Variants in PRKN observed in about 807,000 individuals in gnomAD.
PRKN encodes parkin RBR E3 ubiquitin protein ligase, also known as E3 ubiquitin-protein ligase parkin.
Under a neutral mutation model 59.5 loss-of-function variants are expected in PRKN, and 56 were observed. That is an observed-to-expected ratio of 0.94 (90% confidence interval 0.76 to 1.18). The LOEUF (loss-of-function observed/expected upper bound fraction) is 1.18. Ranked by LOEUF, PRKN falls within the 50% of genes most tolerant of loss-of-function variation. The pLI is 0.00. For synonymous variants in PRKN, 250 were observed against 222.1 expected, an observed-to-expected ratio of 1.13 and a Z score of -1.12; for missense variants, 657 against 596.4, an observed-to-expected ratio of 1.10 and a Z score of -1.06.
At chr6:161,626,679 T>C (rs1024172902) in intron 7 of PRKN, among the ~76,000 whole-genome samples, 1 of 152,172 alleles carries the variant, frequency 6.6e-6, no homozygotes, top group African/African-American at 2.4e-5. Flanking sequence ...AAATGATGGA[T>C]GAACAAATGC....
chr6:161,516,186 G>T (rs371047490), intron 9 of PRKN, among the ~76,000 whole-genome samples: 22 of 152,148 alleles, frequency 1.4e-4, no homozygotes, highest in Middle Eastern at 3.4e-3. Context: ...AGTGGCTCAC[G>T]CCTGTAATCC....
At chr6:162,532,280 G>A (rs1778545569) in intron 1 of PRKN, among the ~76,000 whole-genome samples, 1 of 129,058 alleles carries the variant, frequency 7.7e-6, no homozygotes. Flanking sequence ...GTGAAAATAT[G>A]CACTTATGAT....
At chr6:162,057,730 G>A (rs1352533608) in intron 4 of PRKN, among the ~76,000 whole-genome samples, 6 of 152,166 alleles carry the variant, frequency 3.9e-5, no homozygotes, top group Admixed American at 6.5e-5. Flanking sequence ...CACTGTGTAC[G>A]ACGATTAGGC....
At chr6:161,509,545 A>C (rs777753310) in intron 9 of PRKN, among the ~76,000 whole-genome samples, 51 of 152,060 alleles carry the variant, frequency 3.4e-4, no homozygotes, top group Admixed American at 5.9e-4. Context: ...TTCACATGAG[A>C]ATGCCCATCT....
intron 1 of PRKN, among the ~76,000 whole-genome samples, chr6:162,512,266 G>C (rs1044517818): frequency 6.6e-6 from 1 of 152,144 alleles, no homozygotes; most frequent in African/African-American, 2.4e-5. Flanking sequence ...TATGGTCATG[G>C]GAGGGGTGGA....
At position 162,115,515 on chromosome 6, in the gene PRKN, A is replaced by AAAAT. The variant is rs1230504217; in HGVS notation, c.535-61345_535-61342dup. ...TATAATAATAATAAATAAATACATT[A>AAAAT]AAATAAATAAATAAATAAAAATTTG... On this transcript the variant is annotated intron_variant, in intron 4 of 11. Transcript: ENST00000366898. 2.0e-5 allele frequency among the ~76,000 whole-genome samples: 3 copies of AAAAT among 151,184 alleles called. No individual in the cohort carries two copies. The South Asian group carries it at 6.2e-4, about 31-fold the overall frequency.
chr6:161,753,912 G>C (rs1358317471), intron 7 of PRKN, among the ~76,000 whole-genome samples: 2 of 152,184 alleles, frequency 1.3e-5, no homozygotes, highest in African/African-American at 4.8e-5. Context: ...GCAGAGGAGA[G>C]GTTAGGAAAG....
intron 4 of PRKN, among the ~76,000 whole-genome samples, chr6:162,136,021 C>T (rs58004608): frequency 0.15 from 22,052 of 151,426 alleles, 1,890 homozygotes; most frequent in African/African-American, 0.23. Flanking sequence ...GCCCTGAGTC[C>T]CCCAGAATAC....
At chr6:161,437,521 C>T (rs1446525013) in intron 9 of PRKN, among the ~76,000 whole-genome samples, 2 of 152,150 alleles carry the variant, frequency 1.3e-5, no homozygotes, top group African/African-American at 4.8e-5. Context: ...CTCCTGTATG[C>T]GCTTTGGCAG....
At chr6:162,019,881 T>C (rs1783068301) in intron 5 of PRKN, among the ~76,000 whole-genome samples, 1 of 151,968 alleles carries the variant, frequency 6.6e-6, no homozygotes, top group African/African-American at 2.4e-5. Flanking sequence ...TAGCCTGGTG[T>C]GGTGGCGGGC....
chr6:162,218,034 A>G (rs1777767787), intron 3 of PRKN, among the ~76,000 whole-genome samples: 1 of 152,144 alleles, frequency 6.6e-6, no homozygotes, highest in Non-Finnish European at 1.5e-5. Flanking sequence ...CCAGCACAGA[A>G]CTGCACGCCG....
chr6:161,782,690 T>TA (rs148594285), intron 7 of PRKN, among the ~76,000 whole-genome samples: 24,102 of 151,940 alleles, frequency 0.16, 2,375 homozygotes, highest in Middle Eastern at 0.23. Flanking sequence ...GGTCAGGAGT[T>TA]AGAGACCAGC....
chr6:162,072,307 C>A (rs369358539), intron 4 of PRKN, among the ~76,000 whole-genome samples: 1 of 151,952 alleles, frequency 6.6e-6, no homozygotes, highest in East Asian at 1.9e-4. Context: ...ATTAAACAGG[C>A]AATTAATACT....
rs1780403472 is a variant in PRKN, at chr6:161,560,161, C to CT, written c.933+9193dup. On this transcript the variant is annotated intron_variant, in intron 8 of 11. Coordinates refer to ENST00000366898, the MANE Select transcript of PRKN (RefSeq NM_004562.3). This position sits in a 1 kb window ranked among gnomAD's most constrained non-coding sequence, Gnocchi z 4.9. Reference sequence around the variant, plus strand: ...TTCCATGCTTCCCTCTCTCCTAAGCCTTTTTTCTGTGTCCCCTGAAATTCC... The same window carrying CT: ...TTCCATGCTTCCCTCTCTCCTAAGCCTTTTTTTCTGTGTCCCCTGAAATTCC... Among the ~76,000 whole-genome samples the CT allele has an allele frequency of 6.6e-6, 1 of 152,150 alleles. No individual in the cohort carries two copies. The highest frequency in any genetic ancestry group is 2.1e-4 in the South Asian group (1 of 4,828).
chr6:162,046,933 T>C (rs74843937), intron 5 of PRKN, among the ~76,000 whole-genome samples: 11,792 of 152,050 alleles, frequency 0.078, 669 homozygotes, highest in South Asian at 0.18. Context: ...TTTTTTGTTA[T>C]CAAGTATTCA....
intron 9 of PRKN, among the ~76,000 whole-genome samples, chr6:161,514,592 C>T (rs1023222953): frequency 6.6e-6 from 1 of 152,004 alleles, no homozygotes; most frequent in Non-Finnish European, 1.5e-5. Flanking sequence ...CTGTGACTCA[C>T]GCTGGCTTAG....
intron 6 of PRKN, among the ~76,000 whole-genome samples, chr6:161,789,146 G>A (rs1790541304): frequency 6.6e-6 from 1 of 152,104 alleles, no homozygotes; most frequent in Non-Finnish European, 1.5e-5. Context: ...GTTAGGTGAG[G>A]AATAAACATG....
chr6:162,163,684 C>G (rs1354677906), intron 4 of PRKN, among the ~76,000 whole-genome samples: 1 of 149,164 alleles, frequency 6.7e-6, no homozygotes, highest in Non-Finnish European at 1.5e-5. Context: ...TGAGCAGTCC[C>G]ATAAAGCAGT....
At chr6:162,638,944 C>T (rs896220159) in intron 1 of PRKN, among the ~76,000 whole-genome samples, 20 of 151,976 alleles carry the variant, frequency 1.3e-4, no homozygotes, top group African/African-American at 4.8e-4. Flanking sequence ...CGGGGTTTCA[C>T]TATGTTAGCC....
Sources: gnomAD v4.1 joint callset for allele counts (sites outside exome capture counted in the v4.1 genomes callset) on GRCh38, gnomAD v4.1.1 for gene constraint, Gnocchi (gnomAD v3.1) non-coding constraint, MANE v1.5 for transcripts, NCBI Gene and HGNC (gene_info 2026-07-23, HGNC 2026-07-21) for gene names.